C2CD5: variants seen among roughly 807,000 people sequenced by gnomAD.
C2CD5 encodes the protein C2 domain-containing protein 5.
A neutral mutation model predicts 130.3 loss-of-function variants in C2CD5; 109 were observed. The ratio of observed to expected loss-of-function variants is 0.84; its 90% CI spans 0.72 to 0.98. The LOEUF (loss-of-function observed/expected upper bound fraction) is 0.98. Ranked by LOEUF, C2CD5 falls within the 50% of genes least tolerant of loss-of-function variation. The probability of loss-of-function intolerance (pLI) is 0.00; values close to 1 mark genes in which losing one functional copy is unlikely to be tolerated. For synonymous variants in C2CD5, 454 were observed against 429.2 expected, an observed-to-expected ratio of 1.06 and a Z score of -0.71; for missense variants, 996 against 1,261.8, an observed-to-expected ratio of 0.79 and a Z score of 3.19.
chr12:22,451,336 C>G (rs1352809113), intron 26 of C2CD5, among the ~76,000 whole-genome samples: 1 of 151,822 alleles, frequency 6.6e-6, no homozygotes. Context: ...GAAAACAGGC[C>G]CACTGAGGCT....
chr12:22,544,275 G>GTAACTGACA, intron 1 of C2CD5, 45 bp downstream of exon 1: 3 of 732,436 alleles, frequency 4.1e-6, no homozygotes, highest in Non-Finnish European at 6.2e-6. Flanking sequence ...AGCGCGCGGG[G>GTAACTGACA]GCGCGCGCGG....
chr12:22,525,776 T>TA, intron 4 of C2CD5, 71 bp from the exon 5 acceptor site: 1 of 768,098 alleles, frequency 1.3e-6, no homozygotes, highest in Non-Finnish European at 2.3e-6. Flanking sequence ...TGAAGCAAAT[T>TA]AATGCTAAAT....
intron 22 of C2CD5, chr12:22,463,950 T>C (rs1941632174): frequency 6.6e-6 from 1 of 152,238 alleles, no homozygotes; most frequent in Admixed American, 6.5e-5. Flanking sequence ...CTGGGTTTTA[T>C]GTTTCTTTAG....
chr12:22,505,904 T>C lies in C2CD5; in HGVS notation c.1147+807A>G, dbSNP rs1357817093. 3.4e-5 allele frequency among the ~76,000 whole-genome samples: 5 copies of C among 145,534 alleles called. No individual in the cohort carries two copies. The East Asian group carries it at 9.6e-4, about 28-fold the overall frequency. On this transcript the variant is annotated intron_variant, in intron 10 of 26. Coordinates refer to ENST00000446597, the MANE Select transcript of C2CD5 (RefSeq NM_001286176.2). ...ATTCTTAGCTACTCTAGACAACGCC[T>C]ACAATTACTTTGTTGCCCATGCTGG...
At chr12:22,496,483 T>C (rs1947033648) in intron 10 of C2CD5, among the ~76,000 whole-genome samples, 1 of 152,020 alleles carries the variant, frequency 6.6e-6, no homozygotes, top group Non-Finnish European at 1.5e-5. Context: ...AATTTAGTTA[T>C]CTGAAGGATA....
chr12:22,511,316 A>G, intron 9 of C2CD5, among the ~76,000 whole-genome samples: 1 of 152,296 alleles, frequency 6.6e-6, no homozygotes, highest in East Asian at 1.9e-4. Context: ...AGCAGAATTA[A>G]GTCATATCTG....
chr12:22,496,427 G>A (rs1947024515), intron 10 of C2CD5, among the ~76,000 whole-genome samples: 1 of 151,866 alleles, frequency 6.6e-6, no homozygotes, highest in African/African-American at 2.4e-5. Flanking sequence ...ACAGAGTCTA[G>A]CTTAAAATTT....
At chr12:22,502,518 T>C (rs1423474748) in intron 10 of C2CD5, among the ~76,000 whole-genome samples, 4 of 152,170 alleles carry the variant, frequency 2.6e-5, no homozygotes, top group African/African-American at 9.6e-5. Context: ...TCATTGATAA[T>C]TTATGGTATT....
intron 26 of C2CD5, 65 bp downstream of exon 26, chr12:22,453,831 G>A: frequency 6.8e-7 from 1 of 1,460,558 alleles, no homozygotes; most frequent in Non-Finnish European, 9.5e-7. Context: ...AGGGGGTTAG[G>A]GGTAGGAAGC....
Position 22,514,069 on chromosome 12 carries a change from T to G in C2CD5, c.953-690A>C, listed in dbSNP as rs554492589. ...ATCTTTCCCAAGCTCTTACATGTAT[T>G]TTTTACGGCTTAATTTTAAATTTCT... is the stretch of plus-strand genomic sequence containing the variant. On this transcript the variant is annotated intron_variant, in intron 8 of 26. Coordinates refer to ENST00000446597, the MANE Select transcript of C2CD5 (RefSeq NM_001286176.2). Among the ~76,000 whole-genome samples the G allele has an allele frequency of 1.2e-4, 18 of 152,224 alleles. No individual in the cohort carries two copies. The South Asian group carries it at 1.9e-3, about 16-fold the overall frequency.
At chr12:22,490,089 C>G (rs369931400) in intron 12 of C2CD5, 34 bp downstream of exon 12, 6 of 1,511,974 alleles carry the variant, frequency 4.0e-6, no homozygotes, top group African/African-American at 1.4e-5. Flanking sequence ...CCTTCTCTGC[C>G]CTTATAGAAA....
intron 9 of C2CD5, among the ~76,000 whole-genome samples, chr12:22,510,608 T>C (rs1409199689): frequency 2.0e-5 from 3 of 152,266 alleles, no homozygotes; most frequent in South Asian, 2.1e-4. Flanking sequence ...CCATGGTTTA[T>C]TGTACAATTT....
intron 22 of C2CD5, among the ~76,000 whole-genome samples, chr12:22,466,550 T>C (rs934131347): frequency 6.6e-6 from 1 of 152,158 alleles, no homozygotes; most frequent in South Asian, 2.1e-4. Flanking sequence ...AATTACTCCA[T>C]TTTTAAGACT....
chr12:22,473,413 C>T (rs760504420), intron 16 of C2CD5, among the ~76,000 whole-genome samples: 50 of 152,180 alleles, frequency 3.3e-4, no homozygotes, highest in Non-Finnish European at 6.2e-4. Flanking sequence ...ACCACTTTCA[C>T]TTCCACTTCA....
chr12:22,531,531 A>C (rs1287146276), intron 3 of C2CD5, among the ~76,000 whole-genome samples: 1 of 152,184 alleles, frequency 6.6e-6, no homozygotes, highest in Non-Finnish European at 1.5e-5. Flanking sequence ...GTAAAGTCCT[A>C]AACAATTTAC....
At chr12:22,521,071 C>A (rs1353494180) in intron 7 of C2CD5, among the ~76,000 whole-genome samples, 2 of 152,044 alleles carry the variant, frequency 1.3e-5, no homozygotes, top group Non-Finnish European at 2.9e-5. Context: ...TCCAGTCAGT[C>A]AATAACATAA....
chr12:22,474,421 T>C (rs1173556427), intron 16 of C2CD5, among the ~76,000 whole-genome samples: 1 of 152,144 alleles, frequency 6.6e-6, no homozygotes, highest in Non-Finnish European at 1.5e-5. Context: ...AAAAAGGTAA[T>C]AATTATAGTA....
At chr12:22,502,981 G>A (rs1447910752) in intron 10 of C2CD5, among the ~76,000 whole-genome samples, 1 of 152,118 alleles carries the variant, frequency 6.6e-6, no homozygotes, top group Non-Finnish European at 1.5e-5. Flanking sequence ...GCATGCTATA[G>A]TAATCTAACA....
chr12:22,493,377 A>G (rs1183545914), intron 10 of C2CD5, 40 bp from the exon 11 acceptor site: 1 of 1,021,118 alleles, frequency 9.8e-7, no homozygotes, highest in African/African-American at 1.6e-5. Context: ...ACTCAATAGC[A>G]CATTATATAT....
Sources: allele counts gnomAD v4.1 joint callset (sites outside exome capture counted in the v4.1 genomes callset), GRCh38; gene constraint gnomAD v4.1.1; transcripts MANE v1.5; gene names NCBI Gene and HGNC (gene_info 2026-07-23, HGNC 2026-07-21).